SPC25: variants seen among roughly 807,000 people sequenced by gnomAD.
The protein encoded by SPC25 is kinetochore protein Spc25.
SPC25 carries 22 observed loss-of-function variants against 29.6 expected under a neutral mutation model. The ratio of observed to expected loss-of-function variants is 0.74; its 90% confidence interval spans 0.53 to 1.06. The LOEUF (loss-of-function observed/expected upper bound fraction) is 1.06, where lower values mean the gene tolerates loss of function less well. Ranked by LOEUF, SPC25 falls within the 50% of genes least tolerant of loss-of-function variation. The pLI, the probability that SPC25 is intolerant of heterozygous loss-of-function variation, is 0.00. For missense variants in SPC25, 230 were observed against 255.8 expected, an observed-to-expected ratio of 0.90 and a Z score of 0.69; for synonymous variants, 91 against 90.4, an observed-to-expected ratio of 1.01 and a Z score of -0.04.
chr2:168,863,785 C>A (rs1203285019), intron 4 of SPC25: 2 of 361,030 alleles, frequency 5.5e-6, no homozygotes, highest in Non-Finnish European at 7.7e-6. Context: ...GCCAAACAAT[C>A]AAAAACACCA....
rs1415552982 is a variant in SPC25 at position 168,873,779 on chromosome 2, T to C, written c.452-96A>G. On this transcript the variant is annotated intron_variant, in intron 5 of 6. Transcript: ENST00000282074. Reference sequence around the variant, plus strand: ...ATCAATATCTGCACTGCTAAGTATATACAGTCATGTAACCAACATTTCCAA... The same window carrying C: ...ATCAATATCTGCACTGCTAAGTATACACAGTCATGTAACCAACATTTCCAA... 4.3e-6 allele frequency: 3 copies of C among 692,704 alleles called. No individual in the cohort carries two copies. The Admixed American group carries it at 6.9e-5, about 16-fold the overall frequency. 42.9% of individuals were successfully genotyped at this position (692,704 alleles called of 1,614,324 possible). A position where few individuals can be genotyped will look rare whatever the true frequency, so the allele number is the denominator to read the frequency against.
At chr2:168,874,148 A>G (rs1010353822) in intron 5 of SPC25, among the ~76,000 whole-genome samples, 1 of 152,216 alleles carries the variant, frequency 6.6e-6, no homozygotes, top group Non-Finnish European at 1.5e-5. Flanking sequence ...ATCATTAGTC[A>G]TTATGTAAAT....
rs560105733 is a variant in SPC25, at chr2:168,863,258, T to A, written n.419+10327A>T. The stretch of plus-strand genomic sequence containing the variant: ...TTTGAATTCTTGTTAATAGATTATG[T>A]CAATTTACTGACGAGGGAGAACTTA... On this transcript the variant is annotated intron_variant and non_coding_transcript_variant, in intron 4 of 4. Transcript: ENST00000479309. The A allele has an allele frequency of 1.4e-5, 4 of 277,916 alleles. No individual in the cohort carries two copies. The South Asian group carries it at 4.3e-4, about 30-fold the overall frequency. The allele number at this position is 277,916 out of a possible 1,614,324, so 17.2% of individuals were successfully genotyped here.
At chr2:168,874,713 A>G (rs776490288) in intron 5 of SPC25, among the ~76,000 whole-genome samples, 2 of 152,136 alleles carry the variant, frequency 1.3e-5, no homozygotes, top group Non-Finnish European at 2.9e-5. Flanking sequence ...AGAACCAGGC[A>G]TAAGCGTCCA....
downstream of SPC25, among the ~76,000 whole-genome samples, chr2:168,869,487 C>CTGAT (rs1367048526): frequency 6.6e-6 from 1 of 152,176 alleles, no homozygotes; most frequent in Non-Finnish European, 1.5e-5. Flanking sequence ...TCTCCTTAAG[C>CTGAT]TGATAAGCAA....
intron 3 of SPC25, among the ~76,000 whole-genome samples, chr2:168,885,113 A>G (rs913471529): frequency 2.0e-5 from 3 of 152,174 alleles, no homozygotes; most frequent in Admixed American, 6.5e-5. Flanking sequence ...TTGCTGCACA[A>G]TAAACTCAGC....
At chr2:168,863,367 TTTGTCTTAGAAAGAA>T in intron 4 of SPC25, 1 of 979,148 alleles carries the variant, frequency 1.0e-6, no homozygotes, top group Non-Finnish European at 1.2e-6. Flanking sequence ...AATAATTTCC[TTTGTCTTAGAAAGAA>T]AGTTGCTGAG....
In SPC25 at chr2:168,889,380, T is replaced by G. The variant is rs1690351243; in HGVS notation, c.133+7A>C. 1 of 1,614,012 alleles carries G rather than the reference T, an allele frequency of 6.2e-7. No individual in the cohort carries two copies. Among genetic ancestry groups the G allele is most frequent in the Non-Finnish European group, 8.5e-7 (1 of 1,180,010 alleles). The stretch of plus-strand genomic sequence containing the variant: ...AAACCAGCATGTTACAAGTTAACAC[T>G]AGGTACCTGCAAATGCTTTGATGGA... On this transcript the variant is annotated splice_region_variant and intron_variant, in intron 2 of 6. Transcript: ENST00000282074.
chr2:168,889,157 G>T, intron 3 of SPC25, 69 bp downstream of exon 3: 1 of 1,366,748 alleles, frequency 7.3e-7, no homozygotes, highest in Non-Finnish European at 1.0e-6. Context: ...TGTCTTACTT[G>T]TATGAGAGAT....
In SPC25 at chr2:168,862,141, T is replaced by A. The variant is rs1224558849; in HGVS notation, n.419+11444A>T. The stretch of plus-strand genomic sequence containing the variant: ...TGTCTTAGTGTGGCAGCCTTAAGAG[T>A]TACTACCATGTCAAATCAGTTCACC... On this transcript the variant is annotated intron_variant and non_coding_transcript_variant, in intron 4 of 4. Coordinates refer to the SPC25 transcript ENST00000479309. 1.1e-5 allele frequency: 12 copies of A among 1,107,602 alleles called. No individual in the cohort carries two copies. The East Asian group carries it at 2.9e-4, about 27-fold the overall frequency. The allele number at this position is 1,107,602 out of a possible 1,614,324, so 68.6% of individuals were successfully genotyped here.
At chr2:168,876,041 T>G (rs1460921850) in intron 5 of SPC25, 31 bp downstream of exon 5, 27 of 1,243,522 alleles carry the variant, frequency 2.2e-5, no homozygotes, top group East Asian at 2.9e-5. Flanking sequence ...TTTTGTAATC[T>G]CCTATATTTT....
chr2:168,873,398 TAGAC>T (rs1690029729), intron 6 of SPC25, among the ~76,000 whole-genome samples, 183 bp downstream of exon 6: 1 of 152,182 alleles, frequency 6.6e-6, no homozygotes. Context: ...TTAAGGATCT[TAGAC>T]AGTATCTATA....
At chr2:168,887,203 C>A (rs1452573028) in intron 3 of SPC25, among the ~76,000 whole-genome samples, 1 of 151,788 alleles carries the variant, frequency 6.6e-6, no homozygotes, top group Non-Finnish European at 1.5e-5. Flanking sequence ...GGCAGATCAC[C>A]TAAGGTCAGG....
intron 3 of SPC25, among the ~76,000 whole-genome samples, chr2:168,888,982 CAT>C (rs1314306486): frequency 0.042 from 4,995 of 118,798 alleles, 377 homozygotes; most frequent in African/African-American, 0.087. Flanking sequence ...TACACACACA[CAT>C]ATATATGTAT....
intron 4 of SPC25, chr2:168,864,732 C>T: frequency 1.5e-6 from 2 of 1,355,202 alleles, no homozygotes; most frequent in South Asian, 2.7e-5. Flanking sequence ...ATGACACTAC[C>T]AAGTAAATCC....
chr2:168,870,817 G>C (rs574107267), downstream of SPC25: 43 of 151,608 alleles, frequency 2.8e-4, 2 homozygotes, highest in African/African-American at 9.8e-4. Context: ...CAGGGACCTA[G>C]AACTAGAAAT....
In SPC25 at chr2:168,889,537, A is replaced by C; in HGVS notation, c.-14-4T>G. 6.2e-7 allele frequency: 1 copy of C among 1,608,910 alleles called. No homozygotes were observed. Among genetic ancestry groups the C allele is most frequent in the Middle Eastern group, 1.7e-4 (1 of 6,048 alleles). On this transcript the variant is annotated splice_region_variant and splice_polypyrimidine_tract_variant and intron_variant, in intron 1 of 6. Coordinates refer to ENST00000282074, the MANE Select transcript of SPC25 (RefSeq NM_020675.4). Reference sequence around the variant, plus strand: ...TCTACCATTATGTAGGACAATGCTAAAAACAGAATACATATTGCATTTTTT... The same window carrying C: ...TCTACCATTATGTAGGACAATGCTACAAACAGAATACATATTGCATTTTTT...
Position 168,877,311 on chromosome 2 carries a change from G to A in SPC25, c.273C>T (p.Gly91=), listed in dbSNP as rs779239406. The A allele has an allele frequency of 8.1e-6, 13 of 1,613,562 alleles. No homozygotes were observed. The highest frequency in any genetic ancestry group is 3.3e-4 in the Middle Eastern group (2 of 6,054). ...TCAGTACTTCCAATTCCTGCTTTTT[G>A]CCTTTTACTTCAGCAATCAATTTTA... ...NLLKLIAEVK[G]KKQELEVLTA... is the part of the protein sequence containing the mutation. The change falls in exon 4 of 7, where the codon GGC becomes GGT. Residue 91 remains glycine, a synonymous_variant. Coordinates refer to ENST00000282074, the MANE Select transcript of SPC25 (RefSeq NM_020675.4).
rs988421494 is a variant in SPC25, at chr2:168,871,002, A to T, written c.*429T>A. The T allele has an allele frequency of 6.6e-6, 1 of 152,384 alleles. No homozygotes were observed. Among genetic ancestry groups the T allele is most frequent in the African/African-American group, 2.4e-5 (1 of 41,342 alleles). The allele number at this position is 152,384 out of a possible 1,614,324, so 9.4% of individuals were successfully genotyped here. A position where few individuals can be genotyped will look rare whatever the true frequency, so the allele number is the denominator to read the frequency against. ...ACTGGATTAAGAAAATGTGGCACATATACACCATGGAATACTATGCAGCCA... is the reference window on the plus strand; with the variant it reads ...ACTGGATTAAGAAAATGTGGCACATTTACACCATGGAATACTATGCAGCCA... On this transcript the variant is annotated 3_prime_UTR_variant, in exon 7 of 7. Transcript: ENST00000282074.
Sources: gnomAD v4.1 joint callset for allele counts (sites outside exome capture counted in the v4.1 genomes callset) on GRCh38, gnomAD v4.1.1 for gene constraint, MANE v1.5 for transcripts, NCBI Gene and HGNC (gene_info 2026-07-23, HGNC 2026-07-21) for gene names.